The following PARP11 variants were observed in gnomAD, a reference collection of about 807,000 sequenced individuals.
The protein encoded by PARP11 is poly(ADP-ribose) polymerase family member 11, also known as protein mono-ADP-ribosyltransferase PARP11.
A neutral mutation model predicts 42.9 loss-of-function variants in PARP11; 31 were observed. The observed-to-expected ratio is 0.72, with a 90% confidence interval of 0.54 to 0.98. The LOEUF is 0.98. Ranked by LOEUF, PARP11 falls within the 50% of genes least tolerant of loss-of-function variation. The probability of loss-of-function intolerance (pLI) is 0.00; values close to 1 mark genes in which losing one functional copy is unlikely to be tolerated. For missense variants in PARP11, 365 were observed against 413.1 expected, an observed-to-expected ratio of 0.88 and a Z score of 1.01; for synonymous variants, 137 against 127.3, an observed-to-expected ratio of 1.08 and a Z score of -0.51.
Position 3,814,176 on chromosome 12 carries a change from C to A in PARP11, c.561G>T (p.Gln187His). The A allele has an allele frequency of 6.2e-7, 1 of 1,600,632 alleles. No individual in the cohort carries two copies. The highest frequency in any genetic ancestry group is 1.1e-5 in the South Asian group (1 of 89,234). Reference protein sequence around the residue: ...LWEFFCRKKAQLKKKRGVPQI... With the variant: ...LWEFFCRKKAHLKKKRGVPQI... ...GAGGCACACCTCTTTTTTTCTTGAG[C>A]TGAGCCTTTTTCCTAAAAACACAAT... The change falls in exon 7 of 8, where the codon CAG becomes CAT. Residue 187 changes from glutamine (Q) to histidine (H), a missense_variant. Coordinates refer to ENST00000228820, the MANE Select transcript of PARP11 (RefSeq NM_020367.6).
intron 1 of PARP11, chr12:3,839,382 C>T (rs893511495): frequency 2.6e-6 from 4 of 1,554,414 alleles, no homozygotes; most frequent in Non-Finnish European, 3.5e-6. Flanking sequence ...CCATGGACGC[C>T]TATCTGCGGA....
At chr12:3,816,555 C>T (rs976157523) in intron 6 of PARP11, among the ~76,000 whole-genome samples, 5 of 152,212 alleles carry the variant, frequency 3.3e-5, no homozygotes, top group African/African-American at 1.2e-4. Flanking sequence ...GGGGCCTATC[C>T]ATCTACCACT....
chr12:3,815,130 T>C lies in PARP11; in HGVS notation c.549-942A>G, dbSNP rs534745457. 7 of 440,960 alleles carry C rather than the reference T, an allele frequency of 1.6e-5. No individual in the cohort carries two copies. In the East Asian group the frequency reaches 4.9e-4, roughly 31 times the overall value. The allele number at this position is 440,960 out of a possible 1,614,324, so 27.3% of individuals were successfully genotyped here. A position where few individuals can be genotyped will look rare whatever the true frequency, so the allele number is the denominator to read the frequency against. ...GGTAGATACATGGGAGTCTGCAAAC[T>C]ATTTGCTGCATTTTCATTCTTGAAA... On this transcript the variant is annotated intron_variant, in intron 6 of 7. Coordinates refer to ENST00000228820, the MANE Select transcript of PARP11 (RefSeq NM_020367.6).
chr12:3,824,947 C>A, intron 4 of PARP11, among the ~76,000 whole-genome samples: 1 of 152,170 alleles, frequency 6.6e-6, no homozygotes. Flanking sequence ...CTTGGAATAA[C>A]TTTTATATCG....
intron 1 of PARP11, among the ~76,000 whole-genome samples, chr12:3,831,467 A>C (rs3759358): frequency 7.1e-4 from 108 of 152,074 alleles, no homozygotes; most frequent in African/African-American, 2.4e-3. Flanking sequence ...AATAAGTTTC[A>C]ATTGCCTTGT....
rs1018790471 is a variant in PARP11, at chr12:3,812,007, T to C, written c.*116A>G. On this transcript the variant is annotated 3_prime_UTR_variant, in exon 8 of 8. Coordinates refer to ENST00000228820, the MANE Select transcript of PARP11 (RefSeq NM_020367.6). ...CTTTTTATATGGAGGCCACTTTTTT[T>C]CATATCTGTTTCAAAAGTATCAGAT... The C allele has an allele frequency of 1.3e-6, 1 of 795,818 alleles. No homozygotes were observed. The allele number at this position is 795,818 out of a possible 1,614,324, so 49.3% of individuals were successfully genotyped here. A position where few individuals can be genotyped will look rare whatever the true frequency, so the allele number is the denominator to read the frequency against.
At position 3,841,410 on chromosome 12, in the gene PARP11, T is replaced by G. The variant is rs140495946; in HGVS notation, c.19-11392A>C. The G allele has an allele frequency of 1.3e-3, 1,762 of 1,329,062 alleles. 35 individuals carry two copies. In the East Asian group the frequency reaches 0.038, roughly 29 times the overall value. The allele number at this position is 1,329,062 out of a possible 1,614,324, so 82.3% of individuals were successfully genotyped here. On this transcript the variant is annotated intron_variant, in intron 1 of 7. Transcript: ENST00000228820. The stretch of plus-strand genomic sequence containing the variant: ...TCCCTGTCCCTGTTTATCTTCATAA[T>G]CCCTGGTTCAAAGAGGCTCCTGCCG...
chr12:3,870,189 G>A (rs572612318), intron 1 of PARP11, among the ~76,000 whole-genome samples: 1 of 152,298 alleles, frequency 6.6e-6, no homozygotes, highest in Non-Finnish European at 1.5e-5. Flanking sequence ...CAAATTACTA[G>A]AGAAACCCAC....
chr12:3,856,833 G>A (rs915640911), intron 1 of PARP11, among the ~76,000 whole-genome samples: 9 of 152,096 alleles, frequency 5.9e-5, no homozygotes, highest in Non-Finnish European at 1.3e-4. Context: ...GCACACATAC[G>A]TTTACTGTGG....
In PARP11 at chr12:3,873,284, C is replaced by G; in HGVS notation, c.-55G>C. 3 of 1,539,382 alleles carry G rather than the reference C, an allele frequency of 1.9e-6. No individual in the cohort carries two copies. The highest frequency in any genetic ancestry group is 2.0e-5 in the Admixed American group (1 of 50,408). On this transcript the variant is annotated 5_prime_UTR_variant, in exon 1 of 8. Coordinates refer to ENST00000228820, the MANE Select transcript of PARP11 (RefSeq NM_020367.6). Reference sequence around the variant, plus strand: ...TGTGGGAAGGGGCTAGCCGCGGGGCCTGGGTGTTGGATTTTTTTTTTTCCC... The same window carrying G: ...TGTGGGAAGGGGCTAGCCGCGGGGCGTGGGTGTTGGATTTTTTTTTTTCCC...
Position 3,840,069 on chromosome 12 carries a change from T to C in PARP11, c.19-10051A>G, listed in dbSNP as rs540518368. On this transcript the variant is annotated intron_variant, in intron 1 of 7. Transcript: ENST00000228820. The surrounding 1 kb of genome is among the most constrained non-coding windows in gnomAD (Gnocchi z 4.4). ...TTAAGTCACTCAATCCTGCAGTCTA[T>C]AGAAATGTGGAATATGAAATTTGGC... The C allele has an allele frequency of 4.3e-6, 7 of 1,609,306 alleles. No homozygotes were observed. In the East Asian group the frequency reaches 6.7e-5, roughly 15 times the overall value.
At chr12:3,852,505 A>G (rs575436553) in intron 1 of PARP11, among the ~76,000 whole-genome samples, 6 of 152,342 alleles carry the variant, frequency 3.9e-5, no homozygotes, top group African/African-American at 1.4e-4. Context: ...AAGCTTCAGT[A>G]GCTGATTCAA....
Position 3,840,599 on chromosome 12 carries a change from G to T in PARP11, c.19-10581C>A, listed in dbSNP as rs1947864966. On this transcript the variant is annotated intron_variant, in intron 1 of 7. Transcript: ENST00000228820. This position sits in a 1 kb window ranked among gnomAD's most constrained non-coding sequence, Gnocchi z 4.4. Reference sequence around the variant, plus strand: ...AGAGTTGAGGATTCTGATCACACAAGTCGAGAATCTAACTATTGCTACTTC... The same window carrying T: ...AGAGTTGAGGATTCTGATCACACAATTCGAGAATCTAACTATTGCTACTTC... 7.2e-7 allele frequency: 1 copy of T among 1,379,720 alleles called. No homozygotes were observed. Among genetic ancestry groups the T allele is most frequent in the African/African-American group, 1.4e-5 (1 of 70,298 alleles). The allele number at this position is 1,379,720 out of a possible 1,614,324, so 85.5% of individuals were successfully genotyped here.
chr12:3,850,575 G>C (rs1336979437), intron 1 of PARP11, among the ~76,000 whole-genome samples: 1 of 152,200 alleles, frequency 6.6e-6, no homozygotes, highest in Non-Finnish European at 1.5e-5. Flanking sequence ...TATATGTACA[G>C]GCTGGATACG....
At chr12:3,869,775 ATTAT>A (rs1218557689) in intron 1 of PARP11, among the ~76,000 whole-genome samples, 1 of 152,158 alleles carries the variant, frequency 6.6e-6, no homozygotes, top group African/African-American at 2.4e-5. Flanking sequence ...TATTTGCATA[ATTAT>A]TTGTTTAATA....
At chr12:3,824,994 A>C (rs1204273099) in intron 4 of PARP11, among the ~76,000 whole-genome samples, 1 of 152,232 alleles carries the variant, frequency 6.6e-6, no homozygotes, top group African/African-American at 2.4e-5. Context: ...TGCTAAAATA[A>C]AACCAAAAGT....
chr12:3,815,552 T>TA (rs1947269422), intron 6 of PARP11, among the ~76,000 whole-genome samples: 1 of 152,216 alleles, frequency 6.6e-6, no homozygotes, highest in African/African-American at 2.4e-5. Context: ...AGTCTTTAGT[T>TA]AACAAGAATC....
chr12:3,829,036 A>C lies in PARP11; in HGVS notation c.148-6T>G. ...CACTGACTGTTGGTATCCGGCTTTA[A>C]GACAAACCAGAAAGTTTCATTTACC... On this transcript the variant is annotated splice_region_variant and splice_polypyrimidine_tract_variant and intron_variant, in intron 2 of 7. Transcript: ENST00000228820. 1.2e-6 allele frequency: 2 copies of C among 1,613,696 alleles called. No individual in the cohort carries two copies. The highest frequency in any genetic ancestry group is 1.7e-6 in the Non-Finnish European group (2 of 1,179,740).
chr12:3,864,200 A>G (rs1400496584), intron 1 of PARP11, among the ~76,000 whole-genome samples: 1 of 152,156 alleles, frequency 6.6e-6, no homozygotes, highest in East Asian at 1.9e-4. Context: ...ATCACCACAT[A>G]GTTTTTCATT....
Sources: gnomAD v4.1 joint callset for allele counts (sites outside exome capture counted in the v4.1 genomes callset) on GRCh38, gnomAD v4.1.1 for gene constraint, Gnocchi (gnomAD v3.1) non-coding constraint, MANE v1.5 for transcripts, NCBI Gene and HGNC (gene_info 2026-07-23, HGNC 2026-07-21) for gene names.